The following IQSEC1 variants were observed in gnomAD, a reference collection of about 807,000 sequenced individuals.
IQSEC1 encodes the protein IQ motif and Sec7 domain ArfGEF 1.
A neutral mutation model predicts 91.0 loss-of-function variants in IQSEC1; 31 were observed. The observed-to-expected ratio is 0.34, with a 90% CI of 0.26 to 0.46. The LOEUF (loss-of-function observed/expected upper bound fraction) is 0.46. Ranked by LOEUF, IQSEC1 falls within the 20% of genes least tolerant of loss-of-function variation. IQSEC1 has a pLI of 1.00. For missense variants in IQSEC1, 1,388 were observed against 1,575.6 expected (o/e 0.88, Z 2.02); for synonymous variants, 699 against 662.6 (o/e 1.05, Z -0.84).
At chr3:12,914,951 T>C (rs993488935) in intron 8 of IQSEC1, among the ~76,000 whole-genome samples, 153 bp downstream of exon 8, 2 of 151,834 alleles carry the variant, frequency 1.3e-5, no homozygotes, top group Admixed American at 1.3e-4. Context: ...GAGGCTGGGG[T>C]AATTACGAAC....
intron 1 of IQSEC1, among the ~76,000 whole-genome samples, chr3:13,022,935 A>G (rs1703467732): frequency 6.6e-6 from 1 of 152,202 alleles, no homozygotes; most frequent in South Asian, 2.1e-4. Flanking sequence ...GTTTCACCTC[A>G]GGCTACTGTG....
At chr3:13,238,490 C>T (rs925011616) in intron 1 of IQSEC1, among the ~76,000 whole-genome samples, 1 of 152,194 alleles carries the variant, frequency 6.6e-6, no homozygotes, top group Non-Finnish European at 1.5e-5. Context: ...CCTCTATCCC[C>T]GACAGAACCT....
chr3:13,222,452 C>T lies in IQSEC1; in HGVS notation c.273-58319G>A, dbSNP rs754468076. ...TGGGTGTGCACACATCTGTTTGAGG[C>T]CTTGCTTTCAATTCTTTTGGGTCTA... On this transcript the variant is annotated intron_variant, in intron 1 of 15. Coordinates refer to the IQSEC1 transcript ENST00000648114. Among the ~76,000 whole-genome samples, 6 of 152,254 alleles carry T rather than the reference C, an allele frequency of 3.9e-5. No individual in the cohort carries two copies. In the East Asian group the frequency reaches 9.6e-4, roughly 24 times the overall value.
chr3:13,232,980 A>G, intron 1 of IQSEC1, among the ~76,000 whole-genome samples: 1 of 152,040 alleles, frequency 6.6e-6, no homozygotes, highest in African/African-American at 2.4e-5. Flanking sequence ...TGGGGGAGGG[A>G]GGATGGAGAG....
chr3:13,175,791 A>T (rs1693715792), intron 1 of IQSEC1, among the ~76,000 whole-genome samples: 1 of 152,208 alleles, frequency 6.6e-6, no homozygotes, highest in African/African-American at 2.4e-5. Context: ...TGCTGTCCTC[A>T]TATGGTGGAA....
At chr3:13,055,820 C>T (rs530037973) in intron 1 of IQSEC1, among the ~76,000 whole-genome samples, 5 of 152,190 alleles carry the variant, frequency 3.3e-5, no homozygotes, top group African/African-American at 9.7e-5. Context: ...AGAGTGACCT[C>T]GGAACATCCT....
chr3:13,081,064 T>G (rs1249701822), intron 2 of IQSEC1, among the ~76,000 whole-genome samples: 1 of 152,136 alleles, frequency 6.6e-6, no homozygotes, highest in East Asian at 1.9e-4. Context: ...TTAAAAGAGA[T>G]GTTTACAATG....
chr3:12,907,406 C>T (rs1162915833), intron 12 of IQSEC1, among the ~76,000 whole-genome samples: 1 of 152,180 alleles, frequency 6.6e-6, no homozygotes, highest in Non-Finnish European at 1.5e-5. Flanking sequence ...ACAGGCACAC[C>T]AGGCTCCTGG....
At chr3:12,941,416 G>A (rs1402561416) in intron 2 of IQSEC1, among the ~76,000 whole-genome samples, 155 bp downstream of exon 2, 1 of 152,256 alleles carries the variant, frequency 6.6e-6, no homozygotes, top group East Asian at 1.9e-4. Context: ...GCTACAGGTG[G>A]AGCTGGAACT....
chr3:13,030,634 A>C (rs1468182811), intron 1 of IQSEC1, among the ~76,000 whole-genome samples: 1 of 152,224 alleles, frequency 6.6e-6, no homozygotes, highest in Non-Finnish European at 1.5e-5. Context: ...CTGTTCCTTC[A>C]ATGAGTACTG....
rs544768735 is a variant in IQSEC1, at chr3:13,123,684, T to C, written c.302+40420A>G. 1.3e-3 allele frequency among the ~76,000 whole-genome samples: 193 copies of C among 152,284 alleles called. 1 individual carries two copies. Among genetic ancestry groups the C allele is most frequent in the African/African-American group, 4.1e-3 (171 of 41,560 alleles). On this transcript the variant is annotated intron_variant, in intron 2 of 15. Coordinates refer to the IQSEC1 transcript ENST00000648114. ...TGCACCCCTTGATTGAGCCTTCTTA[T>C]GGAAAGTGAGGCCCAGAGAGGTGAA...
chr3:12,966,378 G>C (rs1309317647), intron 1 of IQSEC1, among the ~76,000 whole-genome samples: 1 of 152,180 alleles, frequency 6.6e-6, no homozygotes, highest in Non-Finnish European at 1.5e-5. Flanking sequence ...AACAGCTCCA[G>C]GTGGGCTTCC....
At chr3:13,278,067 G>A (rs1320372186) in intron 1 of IQSEC1, among the ~76,000 whole-genome samples, 2 of 152,206 alleles carry the variant, frequency 1.3e-5, no homozygotes, top group Non-Finnish European at 2.9e-5. Flanking sequence ...TACGGTTAAT[G>A]TCACCATGAA....
At chr3:13,128,914 G>A (rs1486323142) in intron 2 of IQSEC1, among the ~76,000 whole-genome samples, 4 of 150,702 alleles carry the variant, frequency 2.7e-5, no homozygotes, top group African/African-American at 9.8e-5. Flanking sequence ...TTACATCTAG[G>A]TTAATGAGGA....
At position 12,933,117 on chromosome 3, in the gene IQSEC1, G is replaced by A. The variant is rs1048551358; in HGVS notation, c.1568+2331C>T. ...CTGTGCTGGAGGCCGGGCAAAGGCC[G>A]GGACATACCACCCCGCAGGGAGAGA... On this transcript the variant is annotated intron_variant, in intron 3 of 13. Coordinates refer to ENST00000613206, the MANE Select transcript of IQSEC1 (RefSeq NM_001134382.3). Among the ~76,000 whole-genome samples, 11 of 152,234 alleles carry A rather than the reference G, an allele frequency of 7.2e-5. 1 individual carries two copies. Among genetic ancestry groups the A allele is most frequent in the South Asian group, 2.1e-4 (1 of 4,832 alleles).
At position 12,967,487 on chromosome 3, in the gene IQSEC1, G is replaced by A; in HGVS notation, c.24-25622C>T. On this transcript the variant is annotated intron_variant, in intron 1 of 13. Transcript: ENST00000613206. The surrounding 1 kb of genome is among the most constrained non-coding windows in gnomAD (Gnocchi z 5.9). ...GTGGGAGCGGGCCGGGCCGGGAGCC[G>A]GGACCCAGGCCCAGCAGAGGCCGCC... The A allele has an allele frequency of 6.7e-7, 1 of 1,496,718 alleles. No individual in the cohort carries two copies. 92.7% of individuals were successfully genotyped at this position (1,496,718 alleles called of 1,614,324 possible). A position where few individuals can be genotyped will look rare whatever the true frequency, so the allele number is the denominator to read the frequency against.
rs897474758 is a variant in IQSEC1, at chr3:13,040,493, G to A, written c.23+32499C>T. 5.3e-4 allele frequency among the ~76,000 whole-genome samples: 80 copies of A among 152,274 alleles called. 2 individuals carry two copies. Among genetic ancestry groups the A allele is most frequent in the South Asian group, 4.1e-4 (2 of 4,824 alleles). ...TAGGTCAGGGGAGGGGACAAAGAGCGCTCTCACGGGTTCCTCCTAGAGCCT... is the reference window on the plus strand; with the variant it reads ...TAGGTCAGGGGAGGGGACAAAGAGCACTCTCACGGGTTCCTCCTAGAGCCT... On this transcript the variant is annotated intron_variant, in intron 1 of 13. Transcript: ENST00000613206.
intron 1 of IQSEC1, among the ~76,000 whole-genome samples, chr3:13,264,519 C>T (rs952704397): frequency 6.6e-6 from 1 of 152,152 alleles, no homozygotes; most frequent in Middle Eastern, 3.2e-3. Flanking sequence ...CATTTTCTGA[C>T]AGGTGCCCGG....
chr3:12,900,520 T>C lies in IQSEC1; in HGVS notation c.*463A>G, dbSNP rs979446694. On this transcript the variant is annotated 3_prime_UTR_variant, in exon 14 of 14. Transcript: ENST00000613206. ...TTTACTTACGTATTTTCATCAACCA[T>C]ATCAGGTCTACTTATTTTTTTGCCC... The C allele has an allele frequency of 1.8e-5, 17 of 921,738 alleles. No individual in the cohort carries two copies. Among genetic ancestry groups the C allele is most frequent in the Non-Finnish European group, 2.2e-5 (17 of 772,298 alleles). 57.1% of individuals were successfully genotyped at this position (921,738 alleles called of 1,614,324 possible).
Sources: allele counts gnomAD v4.1 joint callset (sites outside exome capture counted in the v4.1 genomes callset), GRCh38; gene constraint gnomAD v4.1.1; non-coding constraint Gnocchi (gnomAD v3.1); transcripts MANE v1.5; gene names NCBI Gene and HGNC (gene_info 2026-07-23, HGNC 2026-07-21).